The following DPP6 variants were observed in gnomAD, a reference collection of about 807,000 sequenced individuals.
DPP6 encodes the protein dipeptidyl peptidase like 6, also known as A-type potassium channel modulatory protein DPP6.
In DPP6, 69 loss-of-function variants were observed where a neutral mutation model predicts 122.6. That is an observed-to-expected ratio of 0.56 (90% confidence interval 0.46 to 0.69). DPP6 has a LOEUF of 0.69. DPP6 is among the 30% of genes least tolerant of loss of function. The pLI is 0.00. For synonymous variants in DPP6, 418 were observed against 433.1 expected (o/e 0.97, Z 0.43); for missense variants, 928 against 1,116.9 (o/e 0.83, Z 2.41).
chr7:154,651,907 G>A (rs1029403628), intron 6 of DPP6, among the ~76,000 whole-genome samples: 1 of 152,062 alleles, frequency 6.6e-6, no homozygotes, highest in Non-Finnish European at 1.5e-5. Context: ...CTCACACAAA[G>A]CCCCACTCTG....
intron 1 of DPP6, among the ~76,000 whole-genome samples, chr7:154,410,222 G>A (rs888399463): frequency 6.6e-6 from 1 of 152,188 alleles, no homozygotes; most frequent in African/African-American, 2.4e-5. Flanking sequence ...TCGTGTCTTA[G>A]GGATGACAGT....
At chr7:153,982,628 G>GT (rs200294473) in intron 1 of DPP6, among the ~76,000 whole-genome samples, 4,956 of 152,156 alleles carry the variant, frequency 0.033, 119 homozygotes, top group Non-Finnish European at 0.056. Flanking sequence ...AGGAATTCCG[G>GT]TTTTTGGAAT....
At chr7:153,906,039 G>T (rs555210945) in intron 1 of DPP6, among the ~76,000 whole-genome samples, 52 of 152,290 alleles carry the variant, frequency 3.4e-4, no homozygotes, top group Admixed American at 6.5e-4. Context: ...CTTTATAAGA[G>T]AAATATATTT....
intron 8 of DPP6, among the ~76,000 whole-genome samples, chr7:154,731,303 G>A (rs966394326): frequency 6.6e-6 from 1 of 152,226 alleles, no homozygotes; most frequent in African/African-American, 2.4e-5. Context: ...GTGGGAAACA[G>A]CCACTGCAGT....
intron 5 of DPP6, among the ~76,000 whole-genome samples, chr7:154,610,922 C>T (rs1456232701): frequency 6.6e-6 from 1 of 152,172 alleles, no homozygotes; most frequent in East Asian, 1.9e-4. Context: ...CTTCTAACCT[C>T]TCACCTTTGT....
intron 8 of DPP6, among the ~76,000 whole-genome samples, chr7:154,753,881 G>A (rs1843526353): frequency 6.6e-6 from 1 of 152,182 alleles, no homozygotes; most frequent in Non-Finnish European, 1.5e-5. Flanking sequence ...CCTCTACACA[G>A]AGGCCCTGAG....
intron 10 of DPP6, among the ~76,000 whole-genome samples, chr7:154,788,398 C>T (rs1170557343): frequency 3.3e-5 from 5 of 150,704 alleles, no homozygotes; most frequent in Non-Finnish European, 7.4e-5. Flanking sequence ...GAGCTGAGAT[C>T]GTGCCACTGC....
chr7:154,190,152 A>AAAATC (rs973658975), intron 1 of DPP6, among the ~76,000 whole-genome samples: 38 of 152,334 alleles, frequency 2.5e-4, no homozygotes, highest in African/African-American at 7.9e-4. Context: ...CAGAATTTGC[A>AAAATC]AAATCAATAT....
At chr7:154,105,164 T>C (rs1010889045) in intron 1 of DPP6, among the ~76,000 whole-genome samples, 4 of 152,218 alleles carry the variant, frequency 2.6e-5, no homozygotes, top group Admixed American at 6.5e-5. Context: ...CGAATTTGAC[T>C]CGACCGTTTG....
chr7:154,619,234 C>T (rs1834475294), intron 5 of DPP6, among the ~76,000 whole-genome samples: 1 of 152,198 alleles, frequency 6.6e-6, no homozygotes, highest in African/African-American at 2.4e-5. Flanking sequence ...TCGATTGGCA[C>T]AGCATAGGCA....
intron 1 of DPP6, among the ~76,000 whole-genome samples, chr7:154,231,204 T>G (rs192568906): frequency 1.3e-5 from 2 of 152,342 alleles, no homozygotes; most frequent in Admixed American, 1.3e-4. Flanking sequence ...TCACCCTGTC[T>G]CGTATCTTGG....
At chr7:154,024,686 C>A (rs1406097809) in intron 1 of DPP6, among the ~76,000 whole-genome samples, 1 of 152,134 alleles carries the variant, frequency 6.6e-6, no homozygotes, top group African/African-American at 2.4e-5. Flanking sequence ...TAATGTAATT[C>A]TTGTTTAGGG....
At chr7:153,953,440 C>G (rs745505246) in intron 1 of DPP6, among the ~76,000 whole-genome samples, 1 of 152,076 alleles carries the variant, frequency 6.6e-6, no homozygotes, top group Non-Finnish European at 1.5e-5. Context: ...CTTTTCCCAC[C>G]AACCCTCAAA....
At position 154,481,904 on chromosome 7, in the gene DPP6, G is replaced by A. The variant is rs1823336117; in HGVS notation, c.457+6867G>A. The stretch of plus-strand genomic sequence containing the variant: ...TTATGAATGTAAACTCCACAAGGAT[G>A]GGACTCGCATCTCTGTTTACTGTGG... On this transcript the variant is annotated intron_variant, in intron 3 of 25. Transcript: ENST00000377770. This position sits in a 1 kb window ranked among gnomAD's most constrained non-coding sequence, Gnocchi z 4.2. Among the ~76,000 whole-genome samples, 1 of 152,196 alleles carries A rather than the reference G, an allele frequency of 6.6e-6. No homozygotes were observed. The highest frequency in any genetic ancestry group is 1.5e-5 in the Non-Finnish European group (1 of 68,040).
At chr7:154,206,062 G>T (rs375227171) in intron 1 of DPP6, among the ~76,000 whole-genome samples, 9 of 152,294 alleles carry the variant, frequency 5.9e-5, no homozygotes, top group East Asian at 5.8e-4. Context: ...AAACATTTTT[G>T]AATGAAGGTC....
In DPP6 at chr7:154,193,882, A is replaced by G. The variant is rs10239109; in HGVS notation, c.243+140819A>G. On this transcript the variant is annotated intron_variant, in intron 1 of 25. Transcript: ENST00000377770. The stretch of plus-strand genomic sequence containing the variant: ...TTGCACACCCTGGGATGCGCTCACC[A>G]CAGAGGGGTGTGCGCTGGTCTCAAG... 2.7e-3 allele frequency among the ~76,000 whole-genome samples: 417 copies of G among 152,172 alleles called. 1 individual carries two copies. The highest frequency in any genetic ancestry group is 9.8e-3 in the African/African-American group (407 of 41,506).
At chr7:154,400,669 A>G (rs529787268) in intron 1 of DPP6, among the ~76,000 whole-genome samples, 32 of 152,362 alleles carry the variant, frequency 2.1e-4, no homozygotes, top group African/African-American at 7.2e-4. Flanking sequence ...CAAGCATGGA[A>G]TCACACATAC....
intron 1 of DPP6, among the ~76,000 whole-genome samples, chr7:154,012,855 C>A (rs1798212119): frequency 6.6e-6 from 1 of 152,158 alleles, no homozygotes. Context: ...TTTTGAGAAT[C>A]TGAATGTTTA....
chr7:154,884,265 CACACAT>C (rs1563324872), intron 21 of DPP6: 7 of 149,802 alleles, frequency 4.7e-5, no homozygotes, highest in East Asian at 2.2e-4. Context: ...TACACATGCT[CACACAT>C]ACACATACAT....
Sources: gnomAD v4.1 joint callset for allele counts (sites outside exome capture counted in the v4.1 genomes callset) on GRCh38, gnomAD v4.1.1 for gene constraint, Gnocchi (gnomAD v3.1) non-coding constraint, MANE v1.5 for transcripts, NCBI Gene and HGNC (gene_info 2026-07-23, HGNC 2026-07-21) for gene names.